The following C8orf34 variants were observed in gnomAD, a reference collection of about 807,000 sequenced individuals.
C8orf34 encodes uncharacterized protein C8orf34.
C8orf34 carries 65 observed loss-of-function variants against 68.3 expected under a neutral mutation model. The ratio of observed to expected loss-of-function variants is 0.95; its 90% CI spans 0.78 to 1.17. C8orf34 has a LOEUF of 1.17. C8orf34 is among the 50% of genes most tolerant of loss of function. The pLI, the probability that C8orf34 is intolerant of heterozygous loss-of-function variation, is 0.00. For missense variants in C8orf34, 664 were observed against 655.4 expected (o/e 1.01, Z -0.14); for synonymous variants, 244 against 241.2 (o/e 1.01, Z -0.11).
At chr8:68,477,480 T>C (rs781047654) in intron 4 of C8orf34, among the ~76,000 whole-genome samples, 47 of 152,158 alleles carry the variant, frequency 3.1e-4, no homozygotes, top group Non-Finnish European at 5.3e-4. Context: ...CACACACAGT[T>C]CCCACTGGAG....
At chr8:68,452,229 A>C (rs926967466) in intron 3 of C8orf34, among the ~76,000 whole-genome samples, 1 of 149,950 alleles carries the variant, frequency 6.7e-6, no homozygotes. Flanking sequence ...ATAATAATTG[A>C]TATTATATAA....
chr8:68,394,681 A>G (rs1326327079), intron 1 of C8orf34, among the ~76,000 whole-genome samples: 1 of 152,064 alleles, frequency 6.6e-6, no homozygotes, highest in Admixed American at 6.6e-5. Flanking sequence ...TTGGAGTCAT[A>G]TGGTTTATAA....
intron 1 of C8orf34, among the ~76,000 whole-genome samples, chr8:68,351,006 G>T (rs908916001): frequency 2.0e-5 from 3 of 151,902 alleles, no homozygotes; most frequent in African/African-American, 7.2e-5. Context: ...TCATTTTTCT[G>T]TTAGCTGGTT....
chr8:68,513,369 TA>T (rs1252231341), intron 5 of C8orf34, among the ~76,000 whole-genome samples: 1 of 152,136 alleles, frequency 6.6e-6, no homozygotes, highest in Non-Finnish European at 1.5e-5. Flanking sequence ...AAGACAGGGC[TA>T]GGGGTACCTG....
chr8:68,490,767 GTCA>G (rs1420962608), intron 5 of C8orf34, among the ~76,000 whole-genome samples: 1 of 152,106 alleles, frequency 6.6e-6, no homozygotes, highest in Admixed American at 6.5e-5. Flanking sequence ...ACAGAAAGGA[GTCA>G]CAGGCTTCCA....
intron 8 of C8orf34, among the ~76,000 whole-genome samples, chr8:68,661,747 A>T (rs1447775172): frequency 6.6e-6 from 1 of 151,874 alleles, no homozygotes; most frequent in African/African-American, 2.4e-5. Context: ...AAGAACCCTT[A>T]TCTGCAAAAA....
chr8:68,516,620 C>CTATTTATTTATTTATTTATT lies in C8orf34; in HGVS notation c.766-5169_766-5150dup, dbSNP rs200892538. On this transcript the variant is annotated intron_variant, in intron 5 of 13. Transcript: ENST00000518698. Reference sequence around the variant, plus strand: ...TTGAGAGAATTTTTGACTGGGAATGCTATTTATTTATTTATTTATTTATTT... The same window carrying CTATTTATTTATTTATTTATT: ...TTGAGAGAATTTTTGACTGGGAATGCTATTTATTTATTTATTTATTTATTTATTTATTTATTTATTTATTT... Among the ~76,000 whole-genome samples, 733 of 150,154 alleles carry CTATTTATTTATTTATTTATT rather than the reference C, an allele frequency of 4.9e-3. 8 individuals are homozygous for CTATTTATTTATTTATTTATT. The highest frequency in any genetic ancestry group is 0.014 in the African/African-American group (548 of 40,302).
chr8:68,532,479 A>G (rs1563512548), intron 6 of C8orf34, among the ~76,000 whole-genome samples: 1 of 152,208 alleles, frequency 6.6e-6, no homozygotes, highest in Non-Finnish European at 1.5e-5. Context: ...CACTATAAAT[A>G]AAAGCAAGAC....
chr8:68,463,146 G>C (rs1228238425), intron 3 of C8orf34, among the ~76,000 whole-genome samples: 1 of 152,118 alleles, frequency 6.6e-6, no homozygotes, highest in Non-Finnish European at 1.5e-5. Context: ...ACTACCATGA[G>C]AGAATGCTAC....
At chr8:68,377,086 G>A (rs1209527905) in intron 1 of C8orf34, among the ~76,000 whole-genome samples, 1 of 152,120 alleles carries the variant, frequency 6.6e-6, no homozygotes, top group Non-Finnish European at 1.5e-5. Context: ...AATGTGAGAA[G>A]AGCAGAAGTA....
chr8:68,499,905 A>G (rs1563488582), intron 5 of C8orf34, among the ~76,000 whole-genome samples: 1 of 152,130 alleles, frequency 6.6e-6, no homozygotes, highest in Non-Finnish European at 1.5e-5. Context: ...TTGGGGGCGG[A>G]TCCCTCATGA....
chr8:68,526,700 A>AT (rs1302569286), intron 6 of C8orf34, among the ~76,000 whole-genome samples: 1 of 151,518 alleles, frequency 6.6e-6, no homozygotes. Flanking sequence ...AAAAAAAAAA[A>AT]GGACACAGGT....
At chr8:68,366,719 C>G (rs1252006879) in intron 1 of C8orf34, among the ~76,000 whole-genome samples, 1 of 142,126 alleles carries the variant, frequency 7.0e-6, no homozygotes, top group African/African-American at 2.7e-5. Flanking sequence ...AACTGGATCC[C>G]TTCCTTACAC....
At chr8:68,597,575 GGT>G (rs36094218) in intron 7 of C8orf34, among the ~76,000 whole-genome samples, 87,169 of 150,096 alleles carry the variant, frequency 0.58, 25,261 homozygotes, top group African/African-American at 0.6. Flanking sequence ...ACATTGTGGT[GGT>G]GTGTGTGTGT....
intron 1 of C8orf34, among the ~76,000 whole-genome samples, chr8:68,421,793 G>A (rs935652535): frequency 6.6e-6 from 1 of 152,146 alleles, no homozygotes; most frequent in Admixed American, 6.5e-5. Flanking sequence ...ACATGAGACT[G>A]GGTAATTTAT....
In C8orf34 at chr8:68,680,369, T is replaced by C. The variant is rs144829951; in HGVS notation, c.1242-28625T>C. Among the ~76,000 whole-genome samples, 218 of 152,290 alleles carry C rather than the reference T, an allele frequency of 1.4e-3. 1 individual carries two copies. Among genetic ancestry groups the C allele is most frequent in the African/African-American group, 4.9e-3 (202 of 41,562 alleles). On this transcript the variant is annotated intron_variant, in intron 8 of 13. Coordinates refer to ENST00000518698, the MANE Select transcript of C8orf34 (RefSeq NM_052958.4). The stretch of plus-strand genomic sequence containing the variant: ...ACCCCCAATATTTCAATGTAGGTTC[T>C]TTCTATTTTCTATAAGTGTCAGCCA...
chr8:68,402,582 C>A (rs533717305), intron 1 of C8orf34, among the ~76,000 whole-genome samples: 1 of 152,206 alleles, frequency 6.6e-6, no homozygotes, highest in South Asian at 2.1e-4. Context: ...GACTGTATTG[C>A]ACGGCTTTTG....
chr8:68,401,862 T>G (rs1455530121), intron 1 of C8orf34, among the ~76,000 whole-genome samples: 2 of 18,598 alleles, frequency 1.1e-4, no homozygotes, highest in Non-Finnish European at 2.4e-4. Context: ...AGTTCTCTTT[T>G]GTGTGTGTGT....
intron 3 of C8orf34, among the ~76,000 whole-genome samples, chr8:68,462,124 A>C (rs1028106312): frequency 2.0e-5 from 3 of 152,120 alleles, no homozygotes; most frequent in African/African-American, 7.2e-5. Context: ...AAACAAAAAA[A>C]GGCAGGGGTT....
Sources: gnomAD v4.1 joint callset for allele counts (sites outside exome capture counted in the v4.1 genomes callset) on GRCh38, gnomAD v4.1.1 for gene constraint, MANE v1.5 for transcripts, NCBI Gene and HGNC (gene_info 2026-07-23, HGNC 2026-07-21) for gene names.